FAHD1: variants seen among roughly 807,000 people sequenced by gnomAD.
FAHD1 encodes the protein oxaloacetate tautomerase FAHD1, mitochondrial.
Under a neutral mutation model 12.7 loss-of-function variants are expected in FAHD1, and 14 were observed. The observed-to-expected ratio is 1.10, with a 90% CI of 0.73 to 1.72. The LOEUF is 1.72. FAHD1 is among the 40% of genes most tolerant of loss of function. The pLI, the probability that FAHD1 is intolerant of heterozygous loss-of-function variation, is 0.00. For synonymous variants in FAHD1, 153 were observed against 124.9 expected (o/e 1.22, Z -1.50); for missense variants, 351 against 298.9 (o/e 1.17, Z -1.29).
At chr16:1,831,364 A>G (rs116991557), downstream of FAHD1, among the ~76,000 whole-genome samples, 1 of 152,300 alleles carries the variant, frequency 6.6e-6, no homozygotes, top group Non-Finnish European at 1.5e-5. Context: ...AAGGGCAGGG[A>G]GCAAACTCCA....
At chr16:1,827,780 A>G (rs752991519) in exon 1 of FAHD1, 4 of 1,614,166 alleles carry the variant, frequency 2.5e-6, no homozygotes, top group East Asian at 4.5e-5. Flanking sequence ...ACCTTGGAAG[A>G]AGGAGATATT....
intron 1 of FAHD1, among the ~76,000 whole-genome samples, chr16:1,836,341 G>C (rs112455981): frequency 6.6e-6 from 1 of 152,270 alleles, no homozygotes; most frequent in African/African-American, 2.4e-5. Context: ...ATCCACTTGA[G>C]GGTCATTCAT....
downstream of FAHD1, among the ~76,000 whole-genome samples, chr16:1,830,782 A>G (rs1454457489): frequency 6.6e-6 from 1 of 152,180 alleles, no homozygotes; most frequent in Non-Finnish European, 1.5e-5. Flanking sequence ...AAAAACCAAT[A>G]CAATGAACTC....
exon 1 of FAHD1, chr16:1,827,289 C>G (rs771725204): frequency 1.2e-6 from 2 of 1,613,020 alleles, no homozygotes; most frequent in Non-Finnish European, 1.7e-6. Flanking sequence ...GAAAGAACAT[C>G]GTCTGCGTGG....
At position 1,828,011 on chromosome 16, in the gene FAHD1, G is replaced by A. The variant is rs1898538570; in HGVS notation, c.*107G>A. 10 of 1,504,050 alleles carry A rather than the reference G, an allele frequency of 6.6e-6. No homozygotes were observed. In the South Asian group the frequency reaches 1.1e-4, roughly 16 times the overall value. 93.2% of individuals were successfully genotyped at this position (1,504,050 alleles called of 1,614,324 possible). A position where few individuals can be genotyped will look rare whatever the true frequency, so the allele number is the denominator to read the frequency against. On this transcript the variant is annotated 3_prime_UTR_variant, in exon 1 of 1. Transcript: ENST00000427358. ...AGAAACCATTTATTGGCCGGACGCG[G>A]TGGCTCACGCCTGTAATCGCAGCAC...
In FAHD1 at chr16:1,834,001, G is replaced by A. The variant is rs569420854; in HGVS notation, c.628-4015G>A. The A allele has an allele frequency of 3.0e-4, 105 of 344,600 alleles. 1 individual carries two copies. The highest frequency in any genetic ancestry group is 1.0e-5 in the Non-Finnish European group (2 of 191,206). 21.3% of individuals were successfully genotyped at this position (344,600 alleles called of 1,614,324 possible). On this transcript the variant is annotated intron_variant, in intron 1 of 2. Transcript: ENST00000382666. ...TTCAAATCTGTAGAAGATTAAATCT[G>A]TTTATTAATTCATGTAAACATTTTC...
chr16:1,830,917 T>TACACACACAC (rs1555470124), downstream of FAHD1, among the ~76,000 whole-genome samples: 3,681 of 114,784 alleles, frequency 0.032, 96 homozygotes, highest in African/African-American at 0.063. Context: ...TCTCTCTCTA[T>TACACACACAC]ACACACACAC....
chr16:1,829,597 T>C (rs1396364287), downstream of FAHD1, among the ~76,000 whole-genome samples: 5 of 152,194 alleles, frequency 3.3e-5, no homozygotes, highest in East Asian at 9.6e-4. Context: ...TAATATAGTA[T>C]GAGGAAGTGC....
At chr16:1,834,608 C>T (rs967212445) in intron 1 of FAHD1, among the ~76,000 whole-genome samples, 14 of 152,212 alleles carry the variant, frequency 9.2e-5, no homozygotes, top group African/African-American at 3.4e-4. Context: ...CATGCTATTT[C>T]TCTCAGGTAG....
chr16:1,839,272 C>G, exon 3 of FAHD1: 1 of 1,610,952 alleles, frequency 6.2e-7, no homozygotes, highest in Non-Finnish European at 8.5e-7. Flanking sequence ...CCCAAAGTCT[C>G]CTCAGCAACA....
chr16:1,838,065 C>T (rs532086106), exon 2 of FAHD1: 2 of 1,012,788 alleles, frequency 2.0e-6, no homozygotes, highest in Admixed American at 5.3e-5. Flanking sequence ...AGTGCTATCA[C>T]AGCTCACTGC....
intron 1 of FAHD1, among the ~76,000 whole-genome samples, chr16:1,835,783 C>G (rs1026673148): frequency 6.6e-6 from 1 of 152,160 alleles, no homozygotes; most frequent in Admixed American, 6.6e-5. Flanking sequence ...TATAGAGGAG[C>G]CCAGAGGTTC....
intron 1 of FAHD1, chr16:1,834,081 C>G: frequency 2.0e-6 from 1 of 500,194 alleles, no homozygotes; most frequent in Non-Finnish European, 3.5e-6. Flanking sequence ...GAAGGGAGGT[C>G]AGATGAGAGA....
chr16:1,835,482 C>G (rs1193035120), intron 1 of FAHD1, among the ~76,000 whole-genome samples: 1 of 152,010 alleles, frequency 6.6e-6, no homozygotes. Context: ...GACATATCAA[C>G]CACTTTAATT....
chr16:1,831,303 G>A (rs770257061), downstream of FAHD1, among the ~76,000 whole-genome samples: 13 of 152,144 alleles, frequency 8.5e-5, no homozygotes, highest in African/African-American at 2.4e-4. Context: ...TCTTGTTCCC[G>A]TGATTTGCTG....
downstream of FAHD1, among the ~76,000 whole-genome samples, chr16:1,832,166 G>C (rs1337703675): frequency 2.5e-5 from 3 of 119,548 alleles, no homozygotes; most frequent in Admixed American, 3.1e-4. Flanking sequence ...GGGCATCATG[G>C]CTATGGTCAT....
chr16:1,834,104 C>G, intron 1 of FAHD1: 1 of 572,822 alleles, frequency 1.7e-6, no homozygotes, highest in Non-Finnish European at 3.1e-6. Flanking sequence ...CCTTCAGACT[C>G]ACCCAGACCA....
At chr16:1,838,059 C>T in exon 2 of FAHD1, 2 of 1,097,722 alleles carry the variant, frequency 1.8e-6, no homozygotes, top group Non-Finnish European at 2.6e-6. Context: ...TGCAGCAGTG[C>T]TATCACAGCT....
intron 1 of FAHD1, among the ~76,000 whole-genome samples, chr16:1,836,108 T>C (rs1898738018): frequency 6.6e-6 from 1 of 152,112 alleles, no homozygotes; most frequent in Admixed American, 6.6e-5. Flanking sequence ...ATCCTTCTTC[T>C]CCCCTATATC....
Sources: gnomAD v4.1 joint callset for allele counts (sites outside exome capture counted in the v4.1 genomes callset) on GRCh38, gnomAD v4.1.1 for gene constraint, MANE v1.5 for transcripts, NCBI Gene and HGNC (gene_info 2026-07-23, HGNC 2026-07-21) for gene names.